The following ANXA10 variants were observed in gnomAD, a reference collection of about 807,000 sequenced individuals.
The protein encoded by ANXA10 is annexin 14.
In ANXA10, 49 loss-of-function variants were observed where a neutral mutation model predicts 53.5. The observed-to-expected ratio is 0.92, with a 90% CI of 0.73 to 1.16. The LOEUF (loss-of-function observed/expected upper bound fraction) is 1.16, where lower values mean the gene tolerates loss of function less well. ANXA10 is among the 50% of genes most tolerant of loss of function. ANXA10 has a pLI of 0.00. For missense variants in ANXA10, 393 were observed against 394.4 expected (o/e 1.00, Z 0.03); for synonymous variants, 131 against 128.9 (o/e 1.02, Z -0.11).
intron 1 of ANXA10, among the ~76,000 whole-genome samples, chr4:168,094,253 TAAAGA>T (rs1234306992): frequency 6.6e-6 from 1 of 152,068 alleles, no homozygotes; most frequent in Non-Finnish European, 1.5e-5. Context: ...CTGAAGCAAA[TAAAGA>T]AAACTGAAGA....
At chr4:168,141,863 C>A (rs577314085) in intron 3 of ANXA10, among the ~76,000 whole-genome samples, 1 of 152,204 alleles carries the variant, frequency 6.6e-6, no homozygotes, top group South Asian at 2.1e-4. Context: ...TAAGCCCTTG[C>A]CTTTTCCCTG....
chr4:168,156,293 T>TATAATGTA (rs1329459997), intron 3 of ANXA10, among the ~76,000 whole-genome samples: 813 of 49,864 alleles, frequency 0.016, 4 homozygotes, highest in Non-Finnish European at 0.025. Flanking sequence ...ATATATTATA[T>TATAATGTA]TATATTATAT....
chr4:168,186,922 T>G lies in ANXA10; in HGVS notation c.907-444T>G, dbSNP rs1303157088. On this transcript the variant is annotated intron_variant, in intron 11 of 11. Transcript: ENST00000359299. ...ACAAAACTTTGTGCTTATCAATGAT[T>G]GATAATAACTTTCTTAATATATATT... Among the ~76,000 whole-genome samples, 3 of 152,208 alleles carry G rather than the reference T, an allele frequency of 2.0e-5. No individual in the cohort carries two copies. The East Asian group carries it at 5.8e-4, about 29-fold the overall frequency.
intron 1 of ANXA10, 145 bp from the exon 2 acceptor site, chr4:168,127,939 G>T (rs1374869890): frequency 3.3e-6 from 2 of 608,360 alleles, no homozygotes; most frequent in Admixed American, 3.0e-5. Flanking sequence ...GGCCAGGTTG[G>T]TCTTCAACTC....
intron 11 of ANXA10, among the ~76,000 whole-genome samples, chr4:168,184,919 C>A (rs1383071154): frequency 6.6e-6 from 1 of 152,198 alleles, no homozygotes; most frequent in Non-Finnish European, 1.5e-5. Flanking sequence ...CTTTGGGAGG[C>A]TGAGGCAGGC....
chr4:168,102,044 A>T (rs1333438996), intron 1 of ANXA10, among the ~76,000 whole-genome samples: 1 of 152,070 alleles, frequency 6.6e-6, no homozygotes, highest in Non-Finnish European at 1.5e-5. Context: ...CTAAGCCATT[A>T]CTCTGTGAGA....
rs868291332 is a variant in ANXA10, at chr4:168,155,493, A to T, written c.196-7035A>T. 2.5e-3 allele frequency among the ~76,000 whole-genome samples: 50 copies of T among 20,310 alleles called. 1 individual carries two copies. Among genetic ancestry groups the T allele is most frequent in the African/African-American group, 0.015 (45 of 2,944 alleles). 13.3% of individuals were successfully genotyped at this position (20,310 alleles called of 152,430 possible). Reference sequence around the variant, plus strand: ...AATTATAAATTATATATTATATAATATATAATTATATATTATAAAATATAT... The same window carrying T: ...AATTATAAATTATATATTATATAATTTATAATTATATATTATAAAATATAT... On this transcript the variant is annotated intron_variant, in intron 3 of 11. Transcript: ENST00000359299.
intron 1 of ANXA10, chr4:168,127,722 CGTTT>C (rs756625133): frequency 6.4e-6 from 3 of 469,836 alleles, no homozygotes; most frequent in Non-Finnish European, 1.2e-5. Context: ...ACAAGTAAGG[CGTTT>C]GTTTAACAGG....
intron 1 of ANXA10, among the ~76,000 whole-genome samples, chr4:168,103,988 AG>A (rs1388540130): frequency 6.6e-6 from 1 of 151,902 alleles, no homozygotes; most frequent in Admixed American, 6.6e-5. Flanking sequence ...GGCGCTGGAA[AG>A]GGAGGTGAAG....
chr4:168,153,089 C>T lies in ANXA10; in HGVS notation c.196-9439C>T, dbSNP rs1376199823. Among the ~76,000 whole-genome samples, 9 of 152,014 alleles carry T rather than the reference C, an allele frequency of 5.9e-5. No homozygotes were observed. In the South Asian group the frequency reaches 1.0e-3, roughly 17 times the overall value. The stretch of plus-strand genomic sequence containing the variant: ...GAACTCCTGGACTCAAGCAATCTGG[C>T]GGCCTCAGCCTCCCAAAACACAGGC... On this transcript the variant is annotated intron_variant, in intron 3 of 11. Coordinates refer to ENST00000359299, the MANE Select transcript of ANXA10 (RefSeq NM_007193.5).
chr4:168,103,543 T>A (rs535925240), intron 1 of ANXA10, among the ~76,000 whole-genome samples: 1 of 152,074 alleles, frequency 6.6e-6, no homozygotes, highest in South Asian at 2.1e-4. Flanking sequence ...ATAGCAGAGT[T>A]TCATTAGTAC....
chr4:168,176,137 G>A (rs1302389643), intron 6 of ANXA10, among the ~76,000 whole-genome samples: 1 of 152,102 alleles, frequency 6.6e-6, no homozygotes, highest in East Asian at 1.9e-4. Context: ...CAACAGGAAG[G>A]TCACCACTGT....
chr4:168,182,770 G>C (rs1177155304), intron 10 of ANXA10, among the ~76,000 whole-genome samples: 1 of 150,366 alleles, frequency 6.7e-6, no homozygotes, highest in Non-Finnish European at 1.5e-5. Context: ...CAGCACTTTG[G>C]GAGGCCGAGG....
intron 3 of ANXA10, among the ~76,000 whole-genome samples, chr4:168,146,126 C>T (rs908271980): frequency 2.0e-5 from 3 of 152,134 alleles, no homozygotes; most frequent in African/African-American, 7.2e-5. Context: ...CCAGGCTGGT[C>T]GTGAACTCCT....
chr4:168,187,248 T>A (rs966798839), intron 11 of ANXA10, 118 bp from the exon 12 acceptor site: 11 of 527,888 alleles, frequency 2.1e-5, no homozygotes, highest in Non-Finnish European at 3.4e-5. Flanking sequence ...GAAAAGTAAA[T>A]AAGTTTAGAA....
intron 2 of ANXA10, among the ~76,000 whole-genome samples, chr4:168,138,770 C>A (rs1175192513): frequency 6.6e-6 from 1 of 152,118 alleles, no homozygotes; most frequent in African/African-American, 2.4e-5. Context: ...TGATTTCTTT[C>A]AAGTGTTTTG....
At chr4:168,145,883 G>A (rs979278985) in intron 3 of ANXA10, among the ~76,000 whole-genome samples, 4 of 151,836 alleles carry the variant, frequency 2.6e-5, no homozygotes, top group African/African-American at 9.7e-5. Flanking sequence ...AGGGATGGTG[G>A]AGATCATCAA....
At chr4:168,135,736 G>A (rs1731226886) in intron 2 of ANXA10, among the ~76,000 whole-genome samples, 1 of 152,144 alleles carries the variant, frequency 6.6e-6, no homozygotes, top group Non-Finnish European at 1.5e-5. Flanking sequence ...CTATCCCTCA[G>A]AAGCACACAG....
chr4:168,187,054 T>C (rs964186471), intron 11 of ANXA10, among the ~76,000 whole-genome samples: 3 of 152,100 alleles, frequency 2.0e-5, no homozygotes, highest in Non-Finnish European at 4.4e-5. Flanking sequence ...ATAATAATAA[T>C]AACATTAGGG....
Sources: allele counts gnomAD v4.1 joint callset (sites outside exome capture counted in the v4.1 genomes callset), GRCh38; gene constraint gnomAD v4.1.1; transcripts MANE v1.5; gene names NCBI Gene and HGNC (gene_info 2026-07-23, HGNC 2026-07-21).